The following CHEK1 variants were observed in gnomAD, a reference collection of about 807,000 sequenced individuals.
CHEK1 encodes the protein serine/threonine-protein kinase Chk1.
In CHEK1, 32 loss-of-function variants were observed where a neutral mutation model predicts 60.2. The observed-to-expected ratio is 0.53, with a 90% CI of 0.40 to 0.71. The LOEUF (loss-of-function observed/expected upper bound fraction) is 0.71. Ranked by LOEUF, CHEK1 falls within the 30% of genes least tolerant of loss-of-function variation. The pLI is 0.00. For synonymous variants in CHEK1, 179 were observed against 187.2 expected (o/e 0.96, Z 0.36); for missense variants, 399 against 564.6 (o/e 0.71, Z 2.97).
intron 10 of CHEK1, 26 bp downstream of exon 10, chr11:125,644,294 T>C: frequency 4.4e-6 from 7 of 1,585,636 alleles, no homozygotes; most frequent in Non-Finnish European, 6.0e-6. Context: ...TTTTTAAAAG[T>C]AATGGCAGCT....
chr11:125,642,028 A>G (rs1941324463), intron 8 of CHEK1, among the ~76,000 whole-genome samples: 1 of 151,222 alleles, frequency 6.6e-6, no homozygotes, highest in African/African-American at 2.4e-5. Context: ...CCTTGGTCAT[A>G]TTGTTGTTCT....
In CHEK1 at chr11:125,626,814, G is replaced by A; in HGVS notation, c.46G>A (p.Gly16Arg). The A allele has an allele frequency of 6.2e-7, 1 of 1,614,134 alleles. No individual in the cohort carries two copies. Among genetic ancestry groups the A allele is most frequent in the Non-Finnish European group, 8.5e-7 (1 of 1,180,024 alleles). Reference sequence around the variant, plus strand: ...AGACTGGGACTTGGTGCAAACCCTGGGAGAAGGTGCCTATGGAGAGTGAGT... The same window carrying A: ...AGACTGGGACTTGGTGCAAACCCTGAGAGAAGGTGCCTATGGAGAGTGAGT... Reference protein sequence around the residue: ...VEDWDLVQTLGEGAYGEVQLA... With the variant: ...VEDWDLVQTLREGAYGEVQLA... Residue 16 changes from glycine (G) to arginine (R), a missense_variant, in exon 2 of 13, where the codon GGA becomes AGA. By Grantham distance (125) the Gly-to-Arg change is moderately radical. This residue lies in a region of CHEK1 where 370 missense variants were observed against 494.8 expected (regional missense o/e 0.75). Coordinates refer to ENST00000438015, the MANE Select transcript of CHEK1 (RefSeq NM_001114122.3).
chr11:125,678,674 C>T (rs1266548801), downstream of CHEK1, among the ~76,000 whole-genome samples: 1 of 152,018 alleles, frequency 6.6e-6, no homozygotes, highest in African/African-American at 2.4e-5. Flanking sequence ...ATCAGAAGTT[C>T]GCCACCAACC....
chr11:125,627,895 C>T (rs1940689782), intron 3 of CHEK1, 65 bp downstream of exon 3: 2 of 1,263,292 alleles, frequency 1.6e-6, no homozygotes, highest in Non-Finnish European at 2.2e-6. Flanking sequence ...AAATCTTGGG[C>T]ATGCTATTTG....
intron 8 of CHEK1, among the ~76,000 whole-genome samples, chr11:125,638,727 C>G (rs1258435295): frequency 6.6e-6 from 1 of 152,084 alleles, no homozygotes; most frequent in African/African-American, 2.4e-5. Context: ...TGTCTCTCCC[C>G]TCTAACTTTT....
chr11:125,654,851 A>AGT (rs1240025000), intron 12 of CHEK1, among the ~76,000 whole-genome samples: 1 of 152,200 alleles, frequency 6.6e-6, no homozygotes, highest in Non-Finnish European at 1.5e-5. Flanking sequence ...TTTGGTCAGT[A>AGT]GTGTTATGAC....
intron 8 of CHEK1, among the ~76,000 whole-genome samples, chr11:125,641,796 T>C (rs1342130807): frequency 1.2e-4 from 18 of 152,168 alleles, no homozygotes; most frequent in Admixed American, 1.2e-3. Context: ...TTACCTTTTT[T>C]TTTTTTACCT....
At chr11:125,627,896 A>G (rs1451827288) in intron 3 of CHEK1, 66 bp downstream of exon 3, 3 of 1,261,334 alleles carry the variant, frequency 2.4e-6, no homozygotes, top group Non-Finnish European at 3.2e-6. Flanking sequence ...AATCTTGGGC[A>G]TGCTATTTGG....
chr11:125,666,173 A>G (rs1942096377), intron 13 of CHEK1, among the ~76,000 whole-genome samples: 1 of 150,578 alleles, frequency 6.6e-6, no homozygotes, highest in Non-Finnish European at 1.5e-5. Flanking sequence ...GCTGGATCCC[A>G]TAGATTTTGA....
chr11:125,677,650 C>T (rs113526100), downstream of CHEK1: 106 of 1,116,968 alleles, frequency 9.5e-5, no homozygotes, highest in Middle Eastern at 2.2e-4. Context: ...ATGATTGTGA[C>T]GAGAACTAGA....
At chr11:125,633,998 G>GCTTT (rs376607270) in intron 6 of CHEK1, among the ~76,000 whole-genome samples, 1 of 126,956 alleles carries the variant, frequency 7.9e-6, no homozygotes, top group Non-Finnish European at 1.6e-5. Context: ...CTCTATTGTG[G>GCTTT]TTTTTTTTTT....
At chr11:125,678,585 C>CA (rs1401971019), downstream of CHEK1, among the ~76,000 whole-genome samples, 2 of 151,952 alleles carry the variant, frequency 1.3e-5, no homozygotes, top group Non-Finnish European at 2.9e-5. Flanking sequence ...CATCCATGTA[C>CA]AAAAAACCCC....
At chr11:125,639,618 T>G (rs967055598) in intron 8 of CHEK1, among the ~76,000 whole-genome samples, 1 of 152,034 alleles carries the variant, frequency 6.6e-6, no homozygotes, top group African/African-American at 2.4e-5. Context: ...GTGATCCCCC[T>G]GCCTCAGCCT....
At chr11:125,628,930 AG>A (rs1472626930) in intron 3 of CHEK1, among the ~76,000 whole-genome samples, 2 of 152,214 alleles carry the variant, frequency 1.3e-5, no homozygotes, top group Non-Finnish European at 2.9e-5. Context: ...GGGAATTTCA[AG>A]GTTACTAAAT....
downstream of CHEK1, chr11:125,678,182 A>G (rs1942618960): frequency 8.1e-6 from 13 of 1,614,198 alleles, no homozygotes; most frequent in Non-Finnish European, 1.0e-5. Context: ...AAGAAGTCTC[A>G]TATAAAGCCT....
chr11:125,662,094 G>A (rs2136078584), downstream of CHEK1, among the ~76,000 whole-genome samples: 1 of 152,234 alleles, frequency 6.6e-6, no homozygotes, highest in African/African-American at 2.4e-5. Flanking sequence ...CTGTAATTTT[G>A]TCATTATAAG....
chr11:125,665,869 CTTTTTTTTTT>C (rs66560397), intron 13 of CHEK1, among the ~76,000 whole-genome samples: 1 of 30,514 alleles, frequency 3.3e-5, no homozygotes, highest in Non-Finnish European at 5.8e-5. Context: ...CTTCATTCCC[CTTTTTTTTTT>C]TTTTTTTTTT....
chr11:125,667,296 G>C (rs1942117447), intron 13 of CHEK1, among the ~76,000 whole-genome samples: 1 of 152,110 alleles, frequency 6.6e-6, no homozygotes, highest in Non-Finnish European at 1.5e-5. Flanking sequence ...TTAGTATAAA[G>C]GCCTCCTGCT....
rs774282933 is a variant in CHEK1 at position 125,626,744 on chromosome 11, T to C, written c.-20-5T>C. The C allele has an allele frequency of 3.1e-5, 50 of 1,613,906 alleles. No homozygotes were observed. The highest frequency in any genetic ancestry group is 4.2e-5 in the Non-Finnish European group (49 of 1,179,926). ...ACATCTTTTCTGGATTCCTGCCTTTTACAGCCGAGGTGCTCGGTGGAGTCA... is the reference window on the plus strand; with the variant it reads ...ACATCTTTTCTGGATTCCTGCCTTTCACAGCCGAGGTGCTCGGTGGAGTCA... On this transcript the variant is annotated splice_region_variant and splice_polypyrimidine_tract_variant and intron_variant, in intron 1 of 12. Coordinates refer to ENST00000438015, the MANE Select transcript of CHEK1 (RefSeq NM_001114122.3).
Sources: allele counts gnomAD v4.1 joint callset (sites outside exome capture counted in the v4.1 genomes callset), GRCh38; gene constraint gnomAD v4.1.1; regional missense constraint gnomAD v4.1.1; transcripts MANE v1.5; gene names NCBI Gene and HGNC (gene_info 2026-07-23, HGNC 2026-07-21).